Variants in SUDS3 observed in about 807,000 individuals in gnomAD.
SUDS3 encodes the protein sin3 histone deacetylase corepressor complex component SDS3.
SUDS3 carries 23 observed loss-of-function variants against 53.5 expected under a neutral mutation model. The observed-to-expected ratio is 0.43, with a 90% CI of 0.31 to 0.61. The LOEUF is 0.61. Ranked by LOEUF, SUDS3 falls within the 20% of genes least tolerant of loss-of-function variation. The probability of loss-of-function intolerance (pLI) is 0.10; values close to 1 mark genes in which losing one functional copy is unlikely to be tolerated. For missense variants in SUDS3, 291 were observed against 405.9 expected, an observed-to-expected ratio of 0.72 and a Z score of 2.43; for synonymous variants, 150 against 148.5, an observed-to-expected ratio of 1.01 and a Z score of -0.08.
At position 118,376,566 on chromosome 12, in the gene SUDS3, A is replaced by C. The variant is rs1423030520; in HGVS notation, c.-126A>C. On this transcript the variant is annotated 5_prime_UTR_variant, in exon 1 of 12. Coordinates refer to ENST00000543473, the MANE Select transcript of SUDS3 (RefSeq NM_022491.3). Reference sequence around the variant, plus strand: ...GGGCGGAGCTCGGCGGAGACGGGGAAGGGGTCGCCGTGGCTGCCGGTCCTC... The same window carrying C: ...GGGCGGAGCTCGGCGGAGACGGGGACGGGGTCGCCGTGGCTGCCGGTCCTC... The C allele has an allele frequency of 3.4e-6, 4 of 1,177,362 alleles. No homozygotes were observed. Among genetic ancestry groups the C allele is most frequent in the Non-Finnish European group, 4.3e-6 (4 of 932,658 alleles). The allele number at this position is 1,177,362 out of a possible 1,614,324, so 72.9% of individuals were successfully genotyped here. A position where few individuals can be genotyped will look rare whatever the true frequency, so the allele number is the denominator to read the frequency against.
At chr12:118,412,232 TGTTA>T (rs367722065) in intron 11 of SUDS3, among the ~76,000 whole-genome samples, 49 of 152,346 alleles carry the variant, frequency 3.2e-4, no homozygotes, top group African/African-American at 1.1e-3. Context: ...TAACTTATGT[TGTTA>T]GTTAAAGTTA....
At chr12:118,409,305 C>G (rs1217006026) in intron 10 of SUDS3, among the ~76,000 whole-genome samples, 1 of 152,062 alleles carries the variant, frequency 6.6e-6, no homozygotes, top group African/African-American at 2.4e-5. Context: ...TGCCACCACT[C>G]CCGGCTAATT....
Position 118,417,903 on chromosome 12 carries a change from G to A in SUDS3, c.*3470G>A, listed in dbSNP as rs1179380393. The A allele has an allele frequency of 6.6e-6, 1 of 152,152 alleles. No homozygotes were observed. The highest frequency in any genetic ancestry group is 2.4e-5 in the African/African-American group (1 of 41,454). The allele number at this position is 152,152 out of a possible 1,614,324, so 9.4% of individuals were successfully genotyped here. On this transcript the variant is annotated 3_prime_UTR_variant, in exon 12 of 12. Transcript: ENST00000543473. ...TCAGGCTAATACTCAGTTTTGTAAA[G>A]AGCAATCTGGGGTGTTGACCCTTAA...
intron 1 of SUDS3, among the ~76,000 whole-genome samples, chr12:118,377,244 T>C (rs542834575): frequency 5.3e-5 from 8 of 151,954 alleles, no homozygotes; most frequent in African/African-American, 1.7e-4. Flanking sequence ...GCATAAGTCA[T>C]CTATACTTTA....
chr12:118,417,620 C>T lies in SUDS3; in HGVS notation c.*3187C>T, dbSNP rs943779590. 9 of 148,896 alleles carry T rather than the reference C, an allele frequency of 6.0e-5. No individual in the cohort carries two copies. Among genetic ancestry groups the T allele is most frequent in the Non-Finnish European group, 8.9e-5 (6 of 67,534 alleles). The allele number at this position is 148,896 out of a possible 1,614,324, so 9.2% of individuals were successfully genotyped here. Reference sequence around the variant, plus strand: ...AGGTGATGGTCTTTTTTTATAACATCGTTAACGGGTACCATTAAATATTCT... The same window carrying T: ...AGGTGATGGTCTTTTTTTATAACATTGTTAACGGGTACCATTAAATATTCT... On this transcript the variant is annotated 3_prime_UTR_variant, in exon 12 of 12. Transcript: ENST00000543473.
intron 1 of SUDS3, among the ~76,000 whole-genome samples, chr12:118,377,808 C>T (rs1052325836): frequency 6.6e-6 from 1 of 152,142 alleles, no homozygotes; most frequent in Non-Finnish European, 1.5e-5. Context: ...AAAAGCTAGA[C>T]CAGCTGTTTG....
intron 11 of SUDS3, among the ~76,000 whole-genome samples, chr12:118,413,609 C>T (rs2141397139): frequency 6.6e-6 from 1 of 152,356 alleles, no homozygotes; most frequent in Non-Finnish European, 1.5e-5. Context: ...CTCCCCTTCT[C>T]ACCCATGGCT....
At chr12:118,410,286 A>G (rs2046346474) in intron 10 of SUDS3, among the ~76,000 whole-genome samples, 1 of 152,268 alleles carries the variant, frequency 6.6e-6, no homozygotes, top group Non-Finnish European at 1.5e-5. Flanking sequence ...TTGGACAAAT[A>G]GAAAATAAAT....
At chr12:118,400,816 A>T (rs953064363) in intron 7 of SUDS3, 62 bp downstream of exon 7, 2 of 1,494,600 alleles carry the variant, frequency 1.3e-6, no homozygotes, top group Admixed American at 1.7e-5. Context: ...TCCTATGTTT[A>T]TCCGTTTGCT....
chr12:118,386,073 T>C, intron 3 of SUDS3, 41 bp from the exon 4 acceptor site: 2 of 1,468,646 alleles, frequency 1.4e-6, no homozygotes, highest in Non-Finnish European at 1.9e-6. Flanking sequence ...AGAGCAGATT[T>C]ATATTCACAA....
intron 6 of SUDS3, among the ~76,000 whole-genome samples, chr12:118,400,059 A>C (rs2046250509): frequency 6.6e-6 from 1 of 152,106 alleles, no homozygotes. Flanking sequence ...GCAGTGTGAG[A>C]CCACAGAGAG....
At chr12:118,380,316 A>C in intron 2 of SUDS3, 85 bp downstream of exon 2, 7 of 1,213,132 alleles carry the variant, frequency 5.8e-6, no homozygotes, top group East Asian at 2.6e-5. Context: ...CTGAAATCTC[A>C]GATGCTCCAA....
chr12:118,409,789 G>A (rs913249383), intron 10 of SUDS3, among the ~76,000 whole-genome samples: 4 of 152,248 alleles, frequency 2.6e-5, no homozygotes, highest in African/African-American at 9.6e-5. Flanking sequence ...CTGCAGCTCC[G>A]CTGATACTTC....
intron 1 of SUDS3, among the ~76,000 whole-genome samples, 162 bp from the exon 2 acceptor site, chr12:118,380,000 C>G (rs756703504): frequency 2.0e-5 from 3 of 152,154 alleles, no homozygotes; most frequent in Non-Finnish European, 4.4e-5. Flanking sequence ...ATAGGGATGG[C>G]CTACTAACTG....
intron 5 of SUDS3, 120 bp from the exon 6 acceptor site, chr12:118,391,006 C>T: frequency 9.1e-7 from 1 of 1,099,702 alleles, no homozygotes; most frequent in Non-Finnish European, 1.4e-6. Flanking sequence ...ACTGTTACTG[C>T]AAGTGTGTGT....
At chr12:118,397,307 G>A (rs1336933095) in intron 6 of SUDS3, among the ~76,000 whole-genome samples, 2 of 152,018 alleles carry the variant, frequency 1.3e-5, no homozygotes, top group African/African-American at 4.8e-5. Flanking sequence ...GAGCGTCTTG[G>A]GACTCTTAGA....
chr12:118,401,670 T>C, intron 7 of SUDS3, 89 bp from the exon 8 acceptor site: 1 of 1,115,208 alleles, frequency 9.0e-7, no homozygotes, highest in East Asian at 2.4e-5. Context: ...AATCATACTT[T>C]GTAAATTCTA....
chr12:118,393,526 A>G (rs2046186590), intron 6 of SUDS3, among the ~76,000 whole-genome samples: 1 of 152,212 alleles, frequency 6.6e-6, no homozygotes, highest in South Asian at 2.1e-4. Flanking sequence ...GTAACTGTAC[A>G]TAGAGAAGCT....
At position 118,387,807 on chromosome 12, in the gene SUDS3, T is replaced by C. The variant is rs186066352; in HGVS notation, c.340+1622T>C. 7.4e-3 allele frequency among the ~76,000 whole-genome samples: 1,126 copies of C among 152,278 alleles called. 7 individuals carry two copies. The highest frequency in any genetic ancestry group is 0.013 in the South Asian group (65 of 4,830). ...CTCAGGTGATCCGCCCGGCTCGCCT[T>C]GGCCTCCCAAAGTGCTGGGGTTACA... On this transcript the variant is annotated intron_variant, in intron 4 of 11. Transcript: ENST00000543473.
Sources: gnomAD v4.1 joint callset for allele counts (sites outside exome capture counted in the v4.1 genomes callset) on GRCh38, gnomAD v4.1.1 for gene constraint, MANE v1.5 for transcripts, NCBI Gene and HGNC (gene_info 2026-07-23, HGNC 2026-07-21) for gene names.